Variants in ADGRL3 observed in about 807,000 individuals in gnomAD.
ADGRL3 encodes the protein calcium-independent alpha-latrotoxin receptor 3.
Under a neutral mutation model 153.5 loss-of-function variants are expected in ADGRL3, and 62 were observed. The observed-to-expected ratio is 0.40, with a 90% CI of 0.33 to 0.50. The LOEUF is 0.50. ADGRL3 is among the 20% of genes least tolerant of loss of function. The probability of loss-of-function intolerance (pLI) is 0.47; values close to 1 mark genes in which losing one functional copy is unlikely to be tolerated. For synonymous variants in ADGRL3, 710 were observed against 672.5 expected (o/e 1.06, Z -0.86); for missense variants, 1,641 against 1,859.4 (o/e 0.88, Z 2.16).
In ADGRL3 at chr4:61,492,652, T is replaced by G. The variant is rs985066983; in HGVS notation, c.-173-4469T>G. On this transcript the variant is annotated intron_variant, in intron 2 of 26. Coordinates refer to ENST00000683033, the MANE Select transcript of ADGRL3 (RefSeq NM_001387552.1). ...CAGAAAATAAAATCAATGTCTCCCA[T>G]TTAGAAGACTTACTTTTGTTGAAAG... 6.0e-4 allele frequency among the ~76,000 whole-genome samples: 91 copies of G among 152,246 alleles called. 1 individual carries two copies. The highest frequency in any genetic ancestry group is 1.2e-3 in the Non-Finnish European group (79 of 67,956).
chr4:61,822,126 C>T (rs1204107895), intron 9 of ADGRL3, among the ~76,000 whole-genome samples: 2 of 152,188 alleles, frequency 1.3e-5, no homozygotes, highest in African/African-American at 4.8e-5. Context: ...GTTTTACCTA[C>T]TCTTCTCCCA....
At chr4:61,449,243 CTTCTGCCTCAGCCTCCCTTAGTA>C (rs2097645036) in intron 2 of ADGRL3, among the ~76,000 whole-genome samples, 1 of 151,996 alleles carries the variant, frequency 6.6e-6, no homozygotes, top group East Asian at 1.9e-4. Context: ...TCAAGCAATT[CTTCTGCCTCAGCCTCCCTTAGTA>C]GCTGGGATTA....
At chr4:61,690,778 G>A (rs2095526193) in intron 6 of ADGRL3, among the ~76,000 whole-genome samples, 1 of 151,994 alleles carries the variant, frequency 6.6e-6, no homozygotes, top group Non-Finnish European at 1.5e-5. Context: ...GTGTGTATCA[G>A]AGTCTAATAG....
chr4:61,525,019 A>G (rs994361593), intron 4 of ADGRL3, among the ~76,000 whole-genome samples: 1 of 152,050 alleles, frequency 6.6e-6, no homozygotes, highest in African/African-American at 2.4e-5. Flanking sequence ...GGTACCCTTT[A>G]TAAGGTTGTT....
intron 2 of ADGRL3, among the ~76,000 whole-genome samples, chr4:61,479,538 G>GT (rs1230309733): frequency 6.6e-6 from 1 of 152,016 alleles, no homozygotes; most frequent in Non-Finnish European, 1.5e-5. Context: ...CCTTTAAATT[G>GT]TTTTATTATA....
chr4:61,391,020 C>T (rs948687957), intron 2 of ADGRL3, among the ~76,000 whole-genome samples: 3 of 152,122 alleles, frequency 2.0e-5, no homozygotes, highest in African/African-American at 7.2e-5. Flanking sequence ...ATAGATGTAT[C>T]TCAGTTCATT....
At chr4:61,306,212 C>T (rs1350938708) in intron 1 of ADGRL3, among the ~76,000 whole-genome samples, 4 of 152,018 alleles carry the variant, frequency 2.6e-5, no homozygotes, top group Non-Finnish European at 5.9e-5. Context: ...ATTCTCCTGC[C>T]TCAGCCTCCC....
intron 15 of ADGRL3, 49 bp from the exon 16 acceptor site, chr4:61,946,865 C>A (rs756118990): frequency 6.5e-6 from 9 of 1,390,852 alleles, no homozygotes; most frequent in Non-Finnish European, 9.2e-6. Flanking sequence ...TTAGTACTAA[C>A]TAATTTAAGT....
At chr4:61,265,561 A>G (rs1249004435) in intron 1 of ADGRL3, among the ~76,000 whole-genome samples, 2 of 152,010 alleles carry the variant, frequency 1.3e-5, no homozygotes, top group Middle Eastern at 6.8e-3. Flanking sequence ...TCTGTGAGCT[A>G]AAAGTGCTAT....
At chr4:61,437,983 G>T (rs145911573) in intron 2 of ADGRL3, among the ~76,000 whole-genome samples, 1,697 of 152,184 alleles carry the variant, frequency 0.011, 51 homozygotes, top group Admixed American at 0.059. Context: ...AAAGATAATT[G>T]TCAGCATACT....
intron 2 of ADGRL3, among the ~76,000 whole-genome samples, chr4:61,458,347 T>G (rs1023173045): frequency 1.1e-4 from 16 of 151,530 alleles, no homozygotes; most frequent in African/African-American, 3.4e-4. Context: ...TTGATGCTTG[T>G]TTTTTAGAGA....
At chr4:61,841,914 A>G (rs1041702958) in intron 9 of ADGRL3, among the ~76,000 whole-genome samples, 1 of 152,176 alleles carries the variant, frequency 6.6e-6, no homozygotes, top group Non-Finnish European at 1.5e-5. Flanking sequence ...ATGGAGATAA[A>G]TGACCGAAAT....
chr4:61,699,075 C>A (rs1479003996), intron 6 of ADGRL3, among the ~76,000 whole-genome samples: 3 of 152,108 alleles, frequency 2.0e-5, no homozygotes, highest in Non-Finnish European at 4.4e-5. Flanking sequence ...AAGTCTTGAG[C>A]ACTTTAAAAC....
chr4:61,594,555 A>G (rs1326171100), intron 5 of ADGRL3, among the ~76,000 whole-genome samples: 1 of 152,158 alleles, frequency 6.6e-6, no homozygotes, highest in Non-Finnish European at 1.5e-5. Flanking sequence ...ATAAGACCTG[A>G]AAGAATTATC....
intron 2 of ADGRL3, among the ~76,000 whole-genome samples, chr4:61,438,809 A>G (rs919611020): frequency 5.4e-5 from 8 of 149,376 alleles, no homozygotes; most frequent in South Asian, 2.1e-4. Flanking sequence ...CCGGGTTCAC[A>G]CCATTCTCCT....
chr4:62,030,761 T>G (rs961190910), intron 22 of ADGRL3, among the ~76,000 whole-genome samples: 3 of 151,508 alleles, frequency 2.0e-5, no homozygotes, highest in Non-Finnish European at 4.4e-5. Context: ...AAATGACTGA[T>G]TTCTAAAATC....
intron 5 of ADGRL3, 108 bp downstream of exon 5, chr4:61,587,548 C>A: frequency 1.2e-6 from 1 of 834,638 alleles, no homozygotes; most frequent in Non-Finnish European, 1.8e-6. Flanking sequence ...TATTTTAGGA[C>A]ACTTCAAAAT....
chr4:61,998,898 A>G (rs1483029408), intron 21 of ADGRL3, among the ~76,000 whole-genome samples: 1 of 152,020 alleles, frequency 6.6e-6, no homozygotes, highest in East Asian at 1.9e-4. Context: ...TCTTAGAGCA[A>G]TTACCGCATC....
chr4:61,608,823 A>C (rs1361649191), intron 5 of ADGRL3, among the ~76,000 whole-genome samples: 1 of 152,226 alleles, frequency 6.6e-6, no homozygotes, highest in Admixed American at 6.5e-5. Flanking sequence ...TAGAACTATA[A>C]CGGATATTGA....
Sources: gnomAD v4.1 joint callset for allele counts (sites outside exome capture counted in the v4.1 genomes callset) on GRCh38, gnomAD v4.1.1 for gene constraint, MANE v1.5 for transcripts, NCBI Gene and HGNC (gene_info 2026-07-23, HGNC 2026-07-21) for gene names.